The following CIB4 variants were observed in gnomAD, a reference collection of about 807,000 sequenced individuals.
The protein encoded by CIB4 is calcium and integrin-binding family member 4.
In CIB4, 25 loss-of-function variants were observed where a neutral mutation model predicts 25.8. That is an observed-to-expected ratio of 0.97 (90% CI 0.71 to 1.35). The LOEUF is 1.35. Ranked by LOEUF, CIB4 falls within the 40% of genes most tolerant of loss-of-function variation. The probability of loss-of-function intolerance (pLI) is 0.00; values close to 1 mark genes in which losing one functional copy is unlikely to be tolerated. For synonymous variants in CIB4, 75 were observed against 81.4 expected (o/e 0.92, Z 0.42); for missense variants, 235 against 228.2 (o/e 1.03, Z -0.19).
At chr2:26,628,346 G>C (rs1669348137) in intron 3 of CIB4, among the ~76,000 whole-genome samples, 1 of 152,094 alleles carries the variant, frequency 6.6e-6, no homozygotes. Flanking sequence ...GTGGGGCCAG[G>C]AGTCTTAGAG....
At chr2:26,605,560 C>T (rs1668872280) in intron 3 of CIB4, 3 of 470,910 alleles carry the variant, frequency 6.4e-6, no homozygotes, top group South Asian at 4.6e-5. Context: ...CATCTCACTG[C>T]CTAGGAGGAA....
intron 5 of CIB4, 93 bp downstream of exon 5, chr2:26,583,696 C>T: frequency 1.2e-6 from 1 of 827,812 alleles, no homozygotes; most frequent in Non-Finnish European, 2.1e-6. Flanking sequence ...TGGGTCTCCT[C>T]CCAAGAGGGT....
In CIB4 at chr2:26,589,102, T is replaced by TTCTTCTTCC. The variant is rs1668530454; in HGVS notation, c.329-5205_329-5204insGGAAGAAGA. On this transcript the variant is annotated intron_variant, in intron 4 of 6. Coordinates refer to ENST00000288861, the MANE Select transcript of CIB4 (RefSeq NM_001029881.3). Reference sequence around the variant, plus strand: ...CTTCTTCTTCTTCTTCTTCTTCTTCTTCTTCCTCTTCTTCTTCTTCTTCTT... The same window carrying TTCTTCTTCC: ...CTTCTTCTTCTTCTTCTTCTTCTTCTTCTTCTTCCTCTTCCTCTTCTTCTTCTTCTTCTT... 8.5e-5 allele frequency among the ~76,000 whole-genome samples: 6 copies of TTCTTCTTCC among 70,794 alleles called. 1 individual carries two copies. The highest frequency in any genetic ancestry group is 3.6e-4 in the African/African-American group (6 of 16,884). The allele number at this position is 70,794 out of a possible 152,430, so 46.4% of individuals were successfully genotyped here.
chr2:26,595,318 C>T lies in CIB4; in HGVS notation c.187-1G>A, dbSNP rs187835635. 2 of 1,611,328 alleles carry T rather than the reference C, an allele frequency of 1.2e-6. No homozygotes were observed. The highest frequency in any genetic ancestry group is 2.7e-5 in the African/African-American group (2 of 75,008). ...AGATACGGTCTCTGAAAGGGTTGACCTGTGGGCGACAGGAGGAGCAGGGAG... is the reference window on the plus strand; with the variant it reads ...AGATACGGTCTCTGAAAGGGTTGACTTGTGGGCGACAGGAGGAGCAGGGAG... On this transcript the variant is annotated splice_acceptor_variant, in intron 3 of 6. Transcript: ENST00000288861. LOFTEE classifies it high-confidence loss of function.
At chr2:26,609,102 T>C (rs1668948181) in intron 3 of CIB4, among the ~76,000 whole-genome samples, 1 of 152,210 alleles carries the variant, frequency 6.6e-6, no homozygotes, top group Admixed American at 6.5e-5. Context: ...ATTCTACCGC[T>C]TTGCTGGTTT....
chr2:26,587,199 G>C (rs1054709288), intron 4 of CIB4, among the ~76,000 whole-genome samples: 1 of 150,978 alleles, frequency 6.6e-6, no homozygotes, highest in African/African-American at 2.4e-5. Flanking sequence ...CCAGCTACTC[G>C]GGAGGCTGAG....
chr2:26,633,543 C>G (rs1285752255), intron 2 of CIB4, among the ~76,000 whole-genome samples: 1 of 152,110 alleles, frequency 6.6e-6, no homozygotes, highest in African/African-American at 2.4e-5. Flanking sequence ...TGGTGGGGTG[C>G]CTGCCTGGAG....
At position 26,612,214 on chromosome 2, in the gene CIB4, GGGCT is replaced by G. The variant is rs1669007975; in HGVS notation, c.187-16901_187-16898del. On this transcript the variant is annotated intron_variant, in intron 3 of 6. Coordinates refer to ENST00000288861, the MANE Select transcript of CIB4 (RefSeq NM_001029881.3). ...ACTCCTGGCTCCCAGACCCAGTGAG[GGGCT>G]GATGTGCACTCTTCTCCTGTAAGGC... Among the ~76,000 whole-genome samples the G allele has an allele frequency of 2.6e-5, 4 of 152,312 alleles. No homozygotes were observed. In the East Asian group the frequency reaches 7.7e-4, roughly 29 times the overall value.
intron 3 of CIB4, among the ~76,000 whole-genome samples, chr2:26,603,794 T>G (rs1668837834): frequency 6.6e-6 from 1 of 151,562 alleles, no homozygotes; most frequent in Non-Finnish European, 1.5e-5. Flanking sequence ...GCCCAGGAGT[T>G]CAAGACCAGC....
At chr2:26,590,045 C>A (rs1027522144) in intron 4 of CIB4, among the ~76,000 whole-genome samples, 19 of 152,114 alleles carry the variant, frequency 1.2e-4, no homozygotes, top group African/African-American at 4.6e-4. Flanking sequence ...CTCTGGACTG[C>A]CTGACTCCAG....
chr2:26,589,108 C>CTTCTTCCTCTTCT (rs1668531650), intron 4 of CIB4, among the ~76,000 whole-genome samples: 1 of 67,776 alleles, frequency 1.5e-5, no homozygotes, highest in African/African-American at 6.8e-5. Flanking sequence ...CTTCTTCTTC[C>CTTCTTCCTCTTCT]TCTTCTTCTT....
intron 4 of CIB4, among the ~76,000 whole-genome samples, chr2:26,590,622 C>T (rs555219600): frequency 6.6e-5 from 10 of 152,140 alleles, no homozygotes; most frequent in Admixed American, 6.5e-4. Flanking sequence ...GACCACTCCC[C>T]CCTCGACTTA....
intron 4 of CIB4, among the ~76,000 whole-genome samples, chr2:26,585,213 C>G (rs1187417787): frequency 6.6e-6 from 1 of 151,312 alleles, no homozygotes; most frequent in Non-Finnish European, 1.5e-5. Context: ...AGGCCACCAG[C>G]GGGCAGAGAC....
intron 3 of CIB4, among the ~76,000 whole-genome samples, chr2:26,605,086 A>G (rs1362441683): frequency 6.6e-6 from 1 of 152,228 alleles, no homozygotes; most frequent in Admixed American, 6.5e-5. Context: ...TGTTATTTGA[A>G]CACAACAAAA....
At chr2:26,632,033 G>T (rs914532463) in intron 2 of CIB4, among the ~76,000 whole-genome samples, 1 of 152,054 alleles carries the variant, frequency 6.6e-6, no homozygotes, top group Non-Finnish European at 1.5e-5. Context: ...CCTGCTTCCC[G>T]CCGGGTTGCT....
At position 26,590,258 on chromosome 2, in the gene CIB4, T is replaced by TAAAAAAAA. The variant is rs869097756; in HGVS notation, c.328+4910_328+4917dup. ...CCTGGAGCTGGGGCCCAAGCATCTGTAAAAAAAAAAAAAAAAAAAAAAAAA... is the reference window on the plus strand; with the variant it reads ...CCTGGAGCTGGGGCCCAAGCATCTGTAAAAAAAAAAAAAAAAAAAAAAAAAAAAAAAAA... On this transcript the variant is annotated intron_variant, in intron 4 of 6. Transcript: ENST00000288861. Among the ~76,000 whole-genome samples the TAAAAAAAA allele has an allele frequency of 5.7e-4, 35 of 61,824 alleles. 3 individuals carry two copies. The highest frequency in any genetic ancestry group is 2.6e-3 in the African/African-American group (35 of 13,672). The allele number at this position is 61,824 out of a possible 152,430, so 40.6% of individuals were successfully genotyped here.
At chr2:26,611,890 C>A (rs972051734) in intron 3 of CIB4, among the ~76,000 whole-genome samples, 3 of 151,910 alleles carry the variant, frequency 2.0e-5, no homozygotes, top group African/African-American at 7.3e-5. Flanking sequence ...CTATGTATGT[C>A]TACGATATTA....
chr2:26,634,465 G>A (rs113192533), intron 2 of CIB4, among the ~76,000 whole-genome samples: 9,953 of 152,262 alleles, frequency 0.065, 1,112 homozygotes, highest in African/African-American at 0.23. Context: ...CAGCAGCCAC[G>A]TAATCGGTGC....
chr2:26,620,090 A>C (rs1199814689), intron 3 of CIB4, among the ~76,000 whole-genome samples: 1 of 144,732 alleles, frequency 6.9e-6, no homozygotes, highest in Non-Finnish European at 1.5e-5. Context: ...TCTACATCCC[A>C]GAATCCCCTA....
Sources: allele counts gnomAD v4.1 joint callset (sites outside exome capture counted in the v4.1 genomes callset), GRCh38; gene constraint gnomAD v4.1.1; transcripts MANE v1.5; gene names NCBI Gene and HGNC (gene_info 2026-07-23, HGNC 2026-07-21).